Variants in ADGRD1 observed in about 807,000 individuals in gnomAD.
ADGRD1 encodes the protein adhesion G protein-coupled receptor D1.
In ADGRD1, 77 loss-of-function variants were observed where a neutral mutation model predicts 113.4. That is an observed-to-expected ratio of 0.68 (90% CI 0.57 to 0.82). The LOEUF is 0.82. Among genes scored for constraint, ADGRD1 ranks in the 40% least tolerant of loss-of-function variants. The probability of loss-of-function intolerance (pLI) is 0.00; values close to 1 mark genes in which losing one functional copy is unlikely to be tolerated. For synonymous variants in ADGRD1, 474 were observed against 475.0 expected, an observed-to-expected ratio of 1.00 and a Z score of 0.03; for missense variants, 1,036 against 1,139.1, an observed-to-expected ratio of 0.91 and a Z score of 1.30.
chr12:130,963,599 C>A (rs930560605), intron 2 of ADGRD1, among the ~76,000 whole-genome samples: 2 of 152,098 alleles, frequency 1.3e-5, no homozygotes, highest in African/African-American at 4.8e-5. Flanking sequence ...AAAGAATATG[C>A]CATCTAAGTT....
intron 12 of ADGRD1, among the ~76,000 whole-genome samples, chr12:131,011,767 G>A (rs1392144616): frequency 6.6e-6 from 1 of 152,246 alleles, no homozygotes; most frequent in African/African-American, 2.4e-5. Flanking sequence ...GCGTTTGGTG[G>A]AATTGCACAC....
At chr12:131,021,043 C>T (rs2136867683) in intron 13 of ADGRD1, among the ~76,000 whole-genome samples, 1 of 152,114 alleles carries the variant, frequency 6.6e-6, no homozygotes, top group South Asian at 2.1e-4. Flanking sequence ...CAGTTTACAA[C>T]CTCAATGTTT....
At chr12:130,999,979 G>A (rs1166398577) in intron 8 of ADGRD1, among the ~76,000 whole-genome samples, 2 of 152,152 alleles carry the variant, frequency 1.3e-5, no homozygotes, top group East Asian at 1.9e-4. Flanking sequence ...CAGTGAACAC[G>A]AGTGCTTCCA....
rs1378517988 is a variant in ADGRD1, at chr12:130,971,978, CAGGGCATACCCA to C, written c.310+401_310+412del. ...CTCTGGGATGTTGACGGTGAGCGGG[CAGGGCATACCCA>C]AGAACACTTGCGCCTGGTTTTGGTT... On this transcript the variant is annotated intron_variant, in intron 4 of 24. Coordinates refer to ENST00000261654, the MANE Select transcript of ADGRD1 (RefSeq NM_198827.5). The surrounding 1 kb of genome is among the most constrained non-coding windows in gnomAD (Gnocchi z 4.2). Among the ~76,000 whole-genome samples the C allele has an allele frequency of 6.6e-6, 1 of 152,142 alleles. No homozygotes were observed. Among genetic ancestry groups the C allele is most frequent in the East Asian group, 1.9e-4 (1 of 5,204 alleles).
rs951106632 is a variant in ADGRD1 at position 131,075,940 on chromosome 12, C to T, written c.1474-861C>T. Among the ~76,000 whole-genome samples, 3 of 152,150 alleles carry T rather than the reference C, an allele frequency of 2.0e-5. No individual in the cohort carries two copies. Among genetic ancestry groups the T allele is most frequent in the Admixed American group, 6.5e-5 (1 of 15,282 alleles). On this transcript the variant is annotated intron_variant, in intron 13 of 24. Transcript: ENST00000261654. The surrounding 1 kb of genome is among the most constrained non-coding windows in gnomAD (Gnocchi z 5.3). ...GGAATCCATCAGACACCATTTATCC[C>T]GGAGCCATGCCACCTCTGAGCAGCC...
chr12:131,121,390 G>T (rs1179405341), intron 20 of ADGRD1, among the ~76,000 whole-genome samples: 1 of 152,052 alleles, frequency 6.6e-6, no homozygotes, highest in Non-Finnish European at 1.5e-5. Flanking sequence ...TGTTGTTTTT[G>T]TTATTGTTTT....
chr12:130,957,571 T>C (rs1205051376), intron 2 of ADGRD1: 1 of 152,424 alleles, frequency 6.6e-6, no homozygotes, highest in African/African-American at 2.4e-5. Flanking sequence ...TCCACACACG[T>C]ACACATATGT....
intron 13 of ADGRD1, among the ~76,000 whole-genome samples, chr12:131,047,063 G>A (rs535238125): frequency 1.7e-4 from 25 of 147,882 alleles, no homozygotes; most frequent in Non-Finnish European, 2.8e-4. Context: ...GTCCTCCCTC[G>A]TCAATGCTCC....
chr12:131,039,841 T>C (rs1039981446), intron 13 of ADGRD1, among the ~76,000 whole-genome samples: 3 of 152,248 alleles, frequency 2.0e-5, no homozygotes, highest in Admixed American at 2.0e-4. Flanking sequence ...AGCTGGGAGA[T>C]GCCACATAAA....
chr12:131,040,875 A>C (rs1288188894), intron 13 of ADGRD1, among the ~76,000 whole-genome samples: 3 of 152,220 alleles, frequency 2.0e-5, no homozygotes, highest in Admixed American at 2.0e-4. Flanking sequence ...CAGTTTCAAG[A>C]CAGTGGCCAA....
Position 131,084,870 on chromosome 12 carries a change from C to A in ADGRD1, c.1671+207C>A, listed in dbSNP as rs1421365834. Among the ~76,000 whole-genome samples, 2 of 152,204 alleles carry A rather than the reference C, an allele frequency of 1.3e-5. No homozygotes were observed. Among genetic ancestry groups the A allele is most frequent in the Non-Finnish European group, 2.9e-5 (2 of 68,038 alleles). On this transcript the variant is annotated intron_variant, in intron 15 of 24. Coordinates refer to ENST00000261654, the MANE Select transcript of ADGRD1 (RefSeq NM_198827.5). This position sits in a 1 kb window ranked among gnomAD's most constrained non-coding sequence, Gnocchi z 4.5. Reference sequence around the variant, plus strand: ...GGGTGCCAGCAAATATCCGAGGAGCCCATGATTGTGTAAATCGAGTCCAGT... The same window carrying A: ...GGGTGCCAGCAAATATCCGAGGAGCACATGATTGTGTAAATCGAGTCCAGT...
chr12:131,090,623 G>A (rs990422976), intron 15 of ADGRD1, among the ~76,000 whole-genome samples: 2 of 152,232 alleles, frequency 1.3e-5, no homozygotes, highest in African/African-American at 4.8e-5. Flanking sequence ...CTGCTGTCCA[G>A]GGGAGGGAGA....
intron 15 of ADGRD1, among the ~76,000 whole-genome samples, chr12:131,085,604 G>T (rs1472387383): frequency 6.6e-6 from 1 of 152,188 alleles, no homozygotes; most frequent in African/African-American, 2.4e-5. Flanking sequence ...GTGGAAGGAG[G>T]TGTTGCTGCT....
At chr12:130,960,772 A>G (rs1870256542) in intron 2 of ADGRD1, among the ~76,000 whole-genome samples, 1 of 152,136 alleles carries the variant, frequency 6.6e-6, no homozygotes, top group Non-Finnish European at 1.5e-5. Context: ...GAGACAACAC[A>G]CAAATATACT....
In ADGRD1 at chr12:131,120,132, C is replaced by T. The variant is rs114795093; in HGVS notation, c.2109-715C>T. Among the ~76,000 whole-genome samples the T allele has an allele frequency of 4.7e-3, 715 of 152,292 alleles. 8 individuals carry two copies. Among genetic ancestry groups the T allele is most frequent in the African/African-American group, 0.016 (682 of 41,564 alleles). Reference sequence around the variant, plus strand: ...ATAAGCCAGCCCCGGGGAGACACCACATTGGGTGCCAGTGAGGACTGCGCC... The same window carrying T: ...ATAAGCCAGCCCCGGGGAGACACCATATTGGGTGCCAGTGAGGACTGCGCC... On this transcript the variant is annotated intron_variant, in intron 19 of 24. Coordinates refer to ENST00000261654, the MANE Select transcript of ADGRD1 (RefSeq NM_198827.5).
chr12:130,955,492 GCACACACC>G (rs1458538695), intron 2 of ADGRD1, among the ~76,000 whole-genome samples: 12 of 152,188 alleles, frequency 7.9e-5, no homozygotes, highest in African/African-American at 2.9e-4. Context: ...AGACAGGGAG[GCACACACC>G]CTTCGCTGTT....
intron 15 of ADGRD1, among the ~76,000 whole-genome samples, chr12:131,103,591 C>G (rs1014916476): frequency 1.2e-4 from 18 of 152,250 alleles, no homozygotes; most frequent in Admixed American, 6.5e-5. Context: ...TCACCCTGAG[C>G]TGGGGCCCCC....
Position 131,070,913 on chromosome 12 carries a change from TGGA to T in ADGRD1, c.1474-5886_1474-5884del, listed in dbSNP as rs753787202. The T allele has an allele frequency of 7.6e-4, 396 of 518,904 alleles. 1 individual carries two copies. The Middle Eastern group carries it at 0.013, about 17-fold the overall frequency. The allele number at this position is 518,904 out of a possible 1,614,324, so 32.1% of individuals were successfully genotyped here. ...CGGGTGAGTCTGCCATCCAGGATGGTGGAGAAGAGTCCTGGGGTCAGAGTGGGC... is the reference window on the plus strand; with the variant it reads ...CGGGTGAGTCTGCCATCCAGGATGGTGAAGAGTCCTGGGGTCAGAGTGGGC... On this transcript the variant is annotated intron_variant, in intron 13 of 24. Coordinates refer to ENST00000261654, the MANE Select transcript of ADGRD1 (RefSeq NM_198827.5).
At chr12:130,993,492 T>C (rs1302832887) in intron 8 of ADGRD1, among the ~76,000 whole-genome samples, 1 of 151,320 alleles carries the variant, frequency 6.6e-6, no homozygotes, top group Non-Finnish European at 1.5e-5. Context: ...GAGGGAGTGA[T>C]GACAGGTCAT....
Sources: gnomAD v4.1 joint callset for allele counts (sites outside exome capture counted in the v4.1 genomes callset) on GRCh38, gnomAD v4.1.1 for gene constraint, Gnocchi (gnomAD v3.1) non-coding constraint, MANE v1.5 for transcripts, NCBI Gene and HGNC (gene_info 2026-07-23, HGNC 2026-07-21) for gene names.